Variants in SCARB2 observed in about 807,000 individuals in gnomAD.
SCARB2 encodes lysosome membrane protein 2.
In SCARB2, 29 loss-of-function variants were observed where a neutral mutation model predicts 58.6. That is an observed-to-expected ratio of 0.49 (90% CI 0.37 to 0.67). The LOEUF (loss-of-function observed/expected upper bound fraction) is 0.67, where lower values mean the gene tolerates loss of function less well. Among genes scored for constraint, SCARB2 ranks in the 30% least tolerant of loss-of-function variants. The pLI is 0.00. For synonymous variants in SCARB2, 195 were observed against 210.1 expected, an observed-to-expected ratio of 0.93 and a Z score of 0.62; for missense variants, 488 against 578.5, an observed-to-expected ratio of 0.84 and a Z score of 1.60.
chr4:76,207,138 T>C (rs1732946073), intron 1 of SCARB2, among the ~76,000 whole-genome samples: 2 of 152,224 alleles, frequency 1.3e-5, no homozygotes, highest in Non-Finnish European at 2.9e-5. Context: ...GTCAAAACTA[T>C]TTTAATACTA....
chr4:76,197,885 G>A (rs1199237028), intron 1 of SCARB2, among the ~76,000 whole-genome samples: 2 of 151,662 alleles, frequency 1.3e-5, no homozygotes, highest in South Asian at 2.1e-4. Context: ...AAAAAAAAAT[G>A]TTCCCTTATC....
At chr4:76,162,120 G>A in intron 11 of SCARB2, 1 of 269,574 alleles carries the variant, frequency 3.7e-6, no homozygotes, top group Non-Finnish European at 7.3e-6. Context: ...ATATGAGGAA[G>A]GTTAATTGTA....
chr4:76,193,107 A>C (rs1349239083), intron 2 of SCARB2: 2 of 152,086 alleles, frequency 1.3e-5, no homozygotes, highest in East Asian at 3.9e-4. Context: ...CATCCCAGCC[A>C]CTCCAGCTCC....
chr4:76,184,135 C>G (rs76734704), intron 2 of SCARB2, among the ~76,000 whole-genome samples: 1 of 152,278 alleles, frequency 6.6e-6, no homozygotes, highest in African/African-American at 2.4e-5. Flanking sequence ...AGTACAAATA[C>G]AGCATGTAGT....
At position 76,224,900 on chromosome 4, in the gene SCARB2, G is replaced by A. The variant is rs913922114; in HGVS notation, c.-358+9403C>T. 5.3e-5 allele frequency among the ~76,000 whole-genome samples: 8 copies of A among 151,820 alleles called. No homozygotes were observed. In the East Asian group the frequency reaches 9.7e-4, roughly 18 times the overall value. On this transcript the variant is annotated intron_variant, in intron 1 of 11. Transcript: ENST00000638295. The stretch of plus-strand genomic sequence containing the variant: ...ATGTGTAGTCTTTTATCCCTCACCC[G>A]CCTCCTACCCTTCCCCCCAAGTCCC...
chr4:76,170,260 A>G (rs2109938076), intron 7 of SCARB2, among the ~76,000 whole-genome samples: 1 of 152,328 alleles, frequency 6.6e-6, no homozygotes, highest in Non-Finnish European at 1.5e-5. Flanking sequence ...TACTGAAGTT[A>G]AAGTATAAGT....
intron 1 of SCARB2, among the ~76,000 whole-genome samples, chr4:76,222,292 T>A (rs973772862): frequency 1.3e-5 from 2 of 151,984 alleles, no homozygotes; most frequent in African/African-American, 4.8e-5. Flanking sequence ...AGTGGTGTGA[T>A]CTCAGCTCAC....
chr4:76,187,299 T>C (rs1159193789), intron 2 of SCARB2, among the ~76,000 whole-genome samples: 1 of 152,152 alleles, frequency 6.6e-6, no homozygotes, highest in Non-Finnish European at 1.5e-5. Flanking sequence ...GAAAAGCAGT[T>C]GCCCCAAATG....
chr4:76,205,072 T>C (rs905043022), intron 1 of SCARB2, among the ~76,000 whole-genome samples: 8 of 152,136 alleles, frequency 5.3e-5, no homozygotes, highest in Non-Finnish European at 7.3e-5. Context: ...ACGCCTGTAA[T>C]CCCAGCACTT....
intron 1 of SCARB2, among the ~76,000 whole-genome samples, chr4:76,230,601 G>A (rs1301361333): frequency 6.6e-6 from 1 of 152,178 alleles, no homozygotes; most frequent in African/African-American, 2.4e-5. Flanking sequence ...ATAAAGTTCA[G>A]TTTGAAGCTT....
chr4:76,200,496 A>C (rs571498841), intron 1 of SCARB2, among the ~76,000 whole-genome samples: 1 of 152,358 alleles, frequency 6.6e-6, no homozygotes, highest in Admixed American at 6.5e-5. Context: ...CTTTTCAGTT[A>C]ATCACCCAAT....
chr4:76,211,979 AC>A (rs1256478444), intron 1 of SCARB2, among the ~76,000 whole-genome samples: 3 of 151,978 alleles, frequency 2.0e-5, no homozygotes, highest in Non-Finnish European at 4.4e-5. Flanking sequence ...CCTTACAGCC[AC>A]CCCCTCACCC....
chr4:76,194,127 C>T (rs1732660699), intron 2 of SCARB2: 1 of 152,270 alleles, frequency 6.6e-6, no homozygotes, highest in Non-Finnish European at 1.5e-5. Flanking sequence ...CCTGCTCCTG[C>T]TTTGCCTTCT....
chr4:76,228,246 G>A (rs998891464), intron 1 of SCARB2, among the ~76,000 whole-genome samples: 1 of 152,102 alleles, frequency 6.6e-6, no homozygotes. Context: ...GGGAGGCTGA[G>A]GGGGGTGCAG....
chr4:76,195,513 G>C (rs1732693449), intron 2 of SCARB2, 194 bp downstream of exon 2: 1 of 596,064 alleles, frequency 1.7e-6, no homozygotes, highest in Non-Finnish European at 3.0e-6. Context: ...GCTGAGACTT[G>C]GCCCAGTCTA....
chr4:76,218,465 G>A (rs76773060), upstream of SCARB2, among the ~76,000 whole-genome samples: 19 of 152,288 alleles, frequency 1.2e-4, no homozygotes, highest in Middle Eastern at 3.4e-3. Flanking sequence ...AGGCCACAGG[G>A]ACTCTCTGTG....
chr4:76,204,520 T>C (rs1244264715), intron 1 of SCARB2, among the ~76,000 whole-genome samples: 1 of 152,196 alleles, frequency 6.6e-6, no homozygotes, highest in African/African-American at 2.4e-5. Flanking sequence ...CTAACTTATT[T>C]TTGAAAGTTT....
chr4:76,230,209 C>G (rs1175785108), intron 1 of SCARB2, among the ~76,000 whole-genome samples: 5 of 152,062 alleles, frequency 3.3e-5, no homozygotes, highest in African/African-American at 7.2e-5. Context: ...TTGCTATGGC[C>G]ACTGTAGGGG....
intron 2 of SCARB2, among the ~76,000 whole-genome samples, chr4:76,183,786 G>C (rs1376028508): frequency 6.6e-6 from 1 of 152,178 alleles, no homozygotes; most frequent in African/African-American, 2.4e-5. Context: ...TTCAGGACCA[G>C]CTCCCATCCA....
Sources: allele counts gnomAD v4.1 joint callset (sites outside exome capture counted in the v4.1 genomes callset), GRCh38; gene constraint gnomAD v4.1.1; transcripts MANE v1.5; gene names NCBI Gene and HGNC (gene_info 2026-07-23, HGNC 2026-07-21).